The following LRBA variants were observed in gnomAD, a reference collection of about 807,000 sequenced individuals.
The protein encoded by LRBA is LPS responsive beige-like anchor protein, also known as lipopolysaccharide-responsive and beige-like anchor protein.
Under a neutral mutation model 330.0 loss-of-function variants are expected in LRBA, and 176 were observed. The ratio of observed to expected loss-of-function variants is 0.53; its 90% confidence interval spans 0.47 to 0.60. The LOEUF (loss-of-function observed/expected upper bound fraction) is 0.60. Ranked by LOEUF, LRBA falls within the 20% of genes least tolerant of loss-of-function variation. LRBA has a pLI of 0.00. For synonymous variants in LRBA, 1,230 were observed against 1,193.0 expected, an observed-to-expected ratio of 1.03 and a Z score of -0.64; for missense variants, 3,259 against 3,444.8, an observed-to-expected ratio of 0.95 and a Z score of 1.35.
At position 150,928,739 on chromosome 4, in the gene LRBA, A is replaced by G. The variant is rs1734144714; in HGVS notation, c.448+95T>C. Reference sequence around the variant, plus strand: ...CTAGGTGCATGCTACATGCTCAAATATTTCTTAAATATTGCTAAATGGAAT... The same window carrying G: ...CTAGGTGCATGCTACATGCTCAAATGTTTCTTAAATATTGCTAAATGGAAT... On this transcript the variant is annotated intron_variant, in intron 3 of 56. Transcript: ENST00000651943. 2.3e-6 allele frequency: 3 copies of G among 1,301,574 alleles called. No homozygotes were observed. The South Asian group carries it at 3.9e-5, about 17-fold the overall frequency. The allele number at this position is 1,301,574 out of a possible 1,614,324, so 80.6% of individuals were successfully genotyped here. A position where few individuals can be genotyped will look rare whatever the true frequency, so the allele number is the denominator to read the frequency against.
At position 150,265,139 on chromosome 4, in the gene LRBA, C is replaced by T. The variant is rs1745143621; in HGVS notation, c.*583G>A. The T allele has an allele frequency of 6.5e-6, 1 of 152,948 alleles. No individual in the cohort carries two copies. The highest frequency in any genetic ancestry group is 1.5e-5 in the Non-Finnish European group (1 of 68,272). 9.5% of individuals were successfully genotyped at this position (152,948 alleles called of 1,614,324 possible). A position where few individuals can be genotyped will look rare whatever the true frequency, so the allele number is the denominator to read the frequency against. ...TGTGCTAACCACACAATAAAATAGC[C>T]TCCCCCAAACCATACTTTTCTAGGT... On this transcript the variant is annotated 3_prime_UTR_variant, in exon 57 of 57. Transcript: ENST00000651943.
At chr4:150,776,341 G>T (rs1293068702) in intron 34 of LRBA, among the ~76,000 whole-genome samples, 1 of 151,890 alleles carries the variant, frequency 6.6e-6, no homozygotes, top group African/African-American at 2.4e-5. Flanking sequence ...AAAAGAAATA[G>T]TAATTCAAGC....
chr4:150,471,775 T>C, intron 42 of LRBA, 36 bp from the exon 43 acceptor site: 15 of 871,298 alleles, frequency 1.7e-5, no homozygotes, highest in Non-Finnish European at 2.5e-5. Context: ...TATGATTAAT[T>C]ATATCACAAT....
At chr4:150,798,702 T>G (rs1318971411) in intron 33 of LRBA, among the ~76,000 whole-genome samples, 1 of 152,210 alleles carries the variant, frequency 6.6e-6, no homozygotes, top group Non-Finnish European at 1.5e-5. Flanking sequence ...ATTCATTTAC[T>G]TTTATGTTTC....
At position 150,315,926 on chromosome 4, in the gene LRBA, G is replaced by A. The variant is rs1731662538; in HGVS notation, c.7631-303C>T. On this transcript the variant is annotated intron_variant, in intron 50 of 56. Transcript: ENST00000651943. ...ACAAAACAAAATTAAGTGGTAAAGC[G>A]CACTGAAAACAAAATGTGACAACCA... is the stretch of plus-strand genomic sequence containing the variant. 2.0e-5 allele frequency among the ~76,000 whole-genome samples: 3 copies of A among 152,088 alleles called. No individual in the cohort carries two copies. The South Asian group carries it at 6.2e-4, about 31-fold the overall frequency.
chr4:150,992,055 C>T lies in LRBA; in HGVS notation c.216+22372G>A, dbSNP rs138205861. On this transcript the variant is annotated intron_variant, in intron 2 of 56. Coordinates refer to ENST00000651943, the MANE Select transcript of LRBA (RefSeq NM_001364905.1). ...ACAAGGCTGGGCGCAGTGGCTCATGCCTGTAATCACAGCACTTTGGGAGGC... is the reference window on the plus strand; with the variant it reads ...ACAAGGCTGGGCGCAGTGGCTCATGTCTGTAATCACAGCACTTTGGGAGGC... 5.6e-3 allele frequency among the ~76,000 whole-genome samples: 855 copies of T among 152,278 alleles called. 6 individuals are homozygous for T. Among genetic ancestry groups the T allele is most frequent in the African/African-American group, 0.02 (824 of 41,558 alleles).
chr4:150,659,129 C>T (rs1402834551), intron 37 of LRBA, among the ~76,000 whole-genome samples: 78 of 137,420 alleles, frequency 5.7e-4, no homozygotes, highest in East Asian at 3.6e-3. Flanking sequence ...AGCCTCTGCC[C>T]GGCCGCCACC....
intron 36 of LRBA, among the ~76,000 whole-genome samples, chr4:150,703,096 G>A (rs1377027936): frequency 1.3e-5 from 2 of 152,222 alleles, no homozygotes; most frequent in Non-Finnish European, 2.9e-5. Context: ...TGGAGACAGA[G>A]ATTGCAGTGA....
intron 40 of LRBA, among the ~76,000 whole-genome samples, chr4:150,572,048 T>C (rs1343777568): frequency 6.6e-6 from 1 of 152,042 alleles, no homozygotes; most frequent in African/African-American, 2.4e-5. Context: ...AGAACATATG[T>C]ACTTTTAGTC....
chr4:150,721,606 A>T (rs902477607), intron 36 of LRBA: 8 of 171,616 alleles, frequency 4.7e-5, no homozygotes, highest in Non-Finnish European at 9.7e-5. Context: ...AAAAACTTAT[A>T]ACTTTATTTA....
At chr4:150,602,030 C>T (rs1774177372) in intron 37 of LRBA, among the ~76,000 whole-genome samples, 1 of 67,368 alleles carries the variant, frequency 1.5e-5, no homozygotes, top group South Asian at 4.7e-4. Context: ...AAACATGGTC[C>T]AAATAGAATA....
At chr4:150,894,592 T>C (rs1729856385) in intron 16 of LRBA, among the ~76,000 whole-genome samples, 1 of 152,196 alleles carries the variant, frequency 6.6e-6, no homozygotes. Context: ...GTTAACTTGG[T>C]TGCCCTGACT....
At chr4:150,764,199 A>G (rs1735455989) in intron 34 of LRBA, among the ~76,000 whole-genome samples, 1 of 151,950 alleles carries the variant, frequency 6.6e-6, no homozygotes, top group Admixed American at 6.6e-5. Context: ...AAAATTCTGT[A>G]TATAAATCTT....
intron 50 of LRBA, among the ~76,000 whole-genome samples, chr4:150,319,608 A>G (rs961486026): frequency 6.6e-6 from 1 of 152,180 alleles, no homozygotes; most frequent in South Asian, 2.1e-4. Context: ...AAAGGACATA[A>G]TAATAGAGAT....
chr4:150,818,435 C>G (rs1744909585), intron 30 of LRBA, among the ~76,000 whole-genome samples: 1 of 151,812 alleles, frequency 6.6e-6, no homozygotes, highest in Non-Finnish European at 1.5e-5. Context: ...GAAGCAACAG[C>G]CACCTGAGCC....
intron 46 of LRBA, among the ~76,000 whole-genome samples, chr4:150,425,625 C>A (rs1749489360): frequency 6.6e-6 from 1 of 152,112 alleles, no homozygotes; most frequent in South Asian, 2.1e-4. Flanking sequence ...TATGAACAAC[C>A]TTTGCAGCCA....
At chr4:150,951,715 ATAAAG>A (rs1333811532) in intron 2 of LRBA, among the ~76,000 whole-genome samples, 1 of 152,198 alleles carries the variant, frequency 6.6e-6, no homozygotes, top group African/African-American at 2.4e-5. Flanking sequence ...TAACCAAATA[ATAAAG>A]TAGTTAGGTC....
intron 2 of LRBA, among the ~76,000 whole-genome samples, chr4:150,939,393 A>C (rs1348154682): frequency 6.6e-6 from 1 of 152,216 alleles, no homozygotes; most frequent in Non-Finnish European, 1.5e-5. Flanking sequence ...TAGAGATTAC[A>C]GTGATACTTC....
At chr4:150,546,980 A>G (rs1480673146) in intron 40 of LRBA, among the ~76,000 whole-genome samples, 1 of 152,226 alleles carries the variant, frequency 6.6e-6, no homozygotes, top group Non-Finnish European at 1.5e-5. Flanking sequence ...TTATTTGTAA[A>G]CAAAACATAT....
Sources: allele counts gnomAD v4.1 joint callset (sites outside exome capture counted in the v4.1 genomes callset), GRCh38; gene constraint gnomAD v4.1.1; transcripts MANE v1.5; gene names NCBI Gene and HGNC (gene_info 2026-07-23, HGNC 2026-07-21).